Variants in GPC5 observed in about 807,000 individuals in gnomAD.
GPC5 encodes glypican 5.
A neutral mutation model predicts 53.9 loss-of-function variants in GPC5; 47 were observed. The ratio of observed to expected loss-of-function variants is 0.87; its 90% CI spans 0.69 to 1.11. The LOEUF (loss-of-function observed/expected upper bound fraction) is 1.11. Among genes scored for constraint, GPC5 ranks in the 50% most tolerant of loss-of-function variants. GPC5 has a pLI of 0.00. For missense variants in GPC5, 748 were observed against 713.1 expected, an observed-to-expected ratio of 1.05 and a Z score of -0.56; for synonymous variants, 286 against 263.3, an observed-to-expected ratio of 1.09 and a Z score of -0.84.
chr13:91,707,604 G>A (rs1328060616), intron 3 of GPC5, among the ~76,000 whole-genome samples: 1 of 152,122 alleles, frequency 6.6e-6, no homozygotes, highest in Non-Finnish European at 1.5e-5. Context: ...TTGGGTGACA[G>A]AGCAAGGCCC....
At chr13:91,988,239 T>C (rs2040426662) in intron 6 of GPC5, among the ~76,000 whole-genome samples, 2 of 152,086 alleles carry the variant, frequency 1.3e-5, no homozygotes, top group African/African-American at 4.8e-5. Flanking sequence ...TCAGGTTTTC[T>C]ACACATGAAA....
intron 7 of GPC5, among the ~76,000 whole-genome samples, chr13:92,315,857 CAA>C (rs1465647728): frequency 6.6e-6 from 1 of 152,094 alleles, no homozygotes; most frequent in African/African-American, 2.4e-5. Context: ...GTGGTTTATG[CAA>C]AGACAACTCA....
At chr13:92,399,928 A>G (rs1014033905) in intron 7 of GPC5, among the ~76,000 whole-genome samples, 1 of 152,176 alleles carries the variant, frequency 6.6e-6, no homozygotes, top group Non-Finnish European at 1.5e-5. Context: ...CCTAGTGGGT[A>G]GTAGGAAATT....
intron 7 of GPC5, among the ~76,000 whole-genome samples, chr13:92,774,831 T>C (rs1455606427): frequency 6.6e-6 from 1 of 152,226 alleles, no homozygotes; most frequent in Non-Finnish European, 1.5e-5. Context: ...TTATTTCTTA[T>C]AGAGGTGAAT....
At chr13:91,656,992 G>T (rs1435765569) in intron 2 of GPC5, among the ~76,000 whole-genome samples, 1 of 152,128 alleles carries the variant, frequency 6.6e-6, no homozygotes, top group Admixed American at 6.6e-5. Context: ...GAACAATCCA[G>T]GCTCTACTTC....
At chr13:91,483,259 G>T (rs1883403362) in intron 2 of GPC5, among the ~76,000 whole-genome samples, 1 of 152,166 alleles carries the variant, frequency 6.6e-6, no homozygotes, top group Non-Finnish European at 1.5e-5. Context: ...AGAGGCTCCA[G>T]GTCTGTGACT....
intron 2 of GPC5, among the ~76,000 whole-genome samples, chr13:91,625,087 T>C (rs1458201369): frequency 6.6e-6 from 1 of 150,536 alleles, no homozygotes; most frequent in Non-Finnish European, 1.5e-5. Flanking sequence ...TTCAAGAAAA[T>C]CAATAAGAAC....
At chr13:92,432,589 A>T (rs1222942068) in intron 7 of GPC5, among the ~76,000 whole-genome samples, 2 of 149,860 alleles carry the variant, frequency 1.3e-5, no homozygotes, top group African/African-American at 2.5e-5. Flanking sequence ...GTTAGCCAGG[A>T]TGGTCTTGAT....
chr13:92,002,704 A>G (rs1057320071), intron 6 of GPC5, among the ~76,000 whole-genome samples: 2 of 152,240 alleles, frequency 1.3e-5, no homozygotes, highest in Non-Finnish European at 2.9e-5. Context: ...GGAATGGAAC[A>G]TATAAAGTGA....
intron 7 of GPC5, among the ~76,000 whole-genome samples, chr13:92,225,725 T>A (rs2042480998): frequency 6.6e-6 from 1 of 152,082 alleles, no homozygotes; most frequent in Admixed American, 6.5e-5. Context: ...CAAGTTAGAG[T>A]TCTAAAGCCA....
chr13:92,180,439 G>T (rs937031689), intron 7 of GPC5, among the ~76,000 whole-genome samples: 2 of 152,310 alleles, frequency 1.3e-5, no homozygotes, highest in Admixed American at 1.3e-4. Context: ...TGGAAATAAA[G>T]AGCAGAAGTA....
rs141258906 is a variant in GPC5, at chr13:92,131,960, C to T, written c.1402-12870C>T. On this transcript the variant is annotated intron_variant, in intron 6 of 7. Coordinates refer to ENST00000377067, the MANE Select transcript of GPC5 (RefSeq NM_004466.6). ...AGATATAACTGGGAATTTTTTACAC[C>T]AAAAGACTTTTATTACAATATTATT... 3.2e-3 allele frequency among the ~76,000 whole-genome samples: 488 copies of T among 151,986 alleles called. 8 individuals carry two copies. Among genetic ancestry groups the T allele is most frequent in the East Asian group, 0.017 (88 of 5,164 alleles).
chr13:92,237,416 C>T lies in GPC5; in HGVS notation c.1561+92427C>T, dbSNP rs558785571. Among the ~76,000 whole-genome samples the T allele has an allele frequency of 2.0e-5, 3 of 152,142 alleles. No individual in the cohort carries two copies. The East Asian group carries it at 5.8e-4, about 29-fold the overall frequency. On this transcript the variant is annotated intron_variant, in intron 7 of 7. Coordinates refer to ENST00000377067, the MANE Select transcript of GPC5 (RefSeq NM_004466.6). ...TGTATTTTTAGTAAGGATGGGGTTT[C>T]ACCATGTTGGCCAGGATGGTCTTGA...
rs189410254 is a variant in GPC5, at chr13:91,970,890, G to T, written c.1401+62833G>T. On this transcript the variant is annotated intron_variant, in intron 6 of 7. Transcript: ENST00000377067. ...TGCCAGTATTTTATTCAGGATTTTT[G>T]CATCAATGTTCATCAAGGATATTGG... Among the ~76,000 whole-genome samples the T allele has an allele frequency of 3.8e-3, 580 of 152,270 alleles. 2 individuals carry two copies. The highest frequency in any genetic ancestry group is 7.3e-3 in the Non-Finnish European group (494 of 68,030).
chr13:91,947,328 A>C (rs1456348368), intron 6 of GPC5, among the ~76,000 whole-genome samples: 1 of 152,162 alleles, frequency 6.6e-6, no homozygotes, highest in African/African-American at 2.4e-5. Flanking sequence ...TTAGAATCTC[A>C]CTACCTCTAT....
At chr13:92,586,091 T>C (rs1883529454) in intron 7 of GPC5, among the ~76,000 whole-genome samples, 3 of 152,204 alleles carry the variant, frequency 2.0e-5, no homozygotes, top group Admixed American at 2.0e-4. Flanking sequence ...AAATGTATTG[T>C]GAACATGCAA....
chr13:91,661,195 G>A (rs1409601), intron 2 of GPC5, among the ~76,000 whole-genome samples: 13,799 of 152,104 alleles, frequency 0.091, 2,057 homozygotes, highest in African/African-American at 0.31. Context: ...CTGGGTTGCG[G>A]TGAAGGGACA....
At chr13:92,246,700 A>T (rs187976053) in intron 7 of GPC5, among the ~76,000 whole-genome samples, 23 of 152,322 alleles carry the variant, frequency 1.5e-4, no homozygotes, top group African/African-American at 5.5e-4. Flanking sequence ...CAAACAGTAT[A>T]GAGTTCCATT....
intron 7 of GPC5, among the ~76,000 whole-genome samples, chr13:92,553,398 G>C (rs556096221): frequency 5.9e-5 from 9 of 151,864 alleles, no homozygotes; most frequent in Non-Finnish European, 1.2e-4. Flanking sequence ...CTCTTATTTT[G>C]GTATTGCTAT....
Sources: gnomAD v4.1 joint callset for allele counts (sites outside exome capture counted in the v4.1 genomes callset) on GRCh38, gnomAD v4.1.1 for gene constraint, MANE v1.5 for transcripts, NCBI Gene and HGNC (gene_info 2026-07-23, HGNC 2026-07-21) for gene names.